Variants in NDRG1 observed in about 807,000 individuals in gnomAD.
NDRG1 encodes protein NDRG1.
A neutral mutation model predicts 56.9 loss-of-function variants in NDRG1; 32 were observed. That is an observed-to-expected ratio of 0.56 (90% CI 0.42 to 0.76). The LOEUF (loss-of-function observed/expected upper bound fraction) is 0.76. Ranked by LOEUF, NDRG1 falls within the 30% of genes least tolerant of loss-of-function variation. The pLI, the probability that NDRG1 is intolerant of heterozygous loss-of-function variation, is 0.00. For synonymous variants in NDRG1, 211 were observed against 204.1 expected (o/e 1.03, Z -0.29); for missense variants, 507 against 545.7 (o/e 0.93, Z 0.71).
At chr8:133,259,085 T>A in intron 6 of NDRG1, 83 bp downstream of exon 6, 2 of 1,442,640 alleles carry the variant, frequency 1.4e-6, no homozygotes, top group South Asian at 2.3e-5. Flanking sequence ...TAGTGGTCAG[T>A]CCAGATCAAA....
At chr8:133,277,389 C>T (rs1005205602) in intron 3 of NDRG1, among the ~76,000 whole-genome samples, 2 of 152,074 alleles carry the variant, frequency 1.3e-5, no homozygotes, top group Non-Finnish European at 2.9e-5. Context: ...CATGGAAAAA[C>T]CCATCTCTAC....
intron 1 of NDRG1, among the ~76,000 whole-genome samples, chr8:133,294,675 G>GT (rs11423129): frequency 3.3e-5 from 5 of 151,914 alleles, no homozygotes; most frequent in Non-Finnish European, 5.9e-5. Flanking sequence ...CTGTCATGGG[G>GT]GGGGGGCAGC....
intron 13 of NDRG1, among the ~76,000 whole-genome samples, chr8:133,246,094 G>C (rs982355734): frequency 1.3e-5 from 2 of 152,246 alleles, no homozygotes; most frequent in African/African-American, 2.4e-5. Context: ...CTCTTGGGCT[G>C]CATCTCCGGA....
chr8:133,291,551 T>C (rs928386638), intron 1 of NDRG1, among the ~76,000 whole-genome samples: 9 of 152,204 alleles, frequency 5.9e-5, no homozygotes, highest in African/African-American at 2.2e-4. Flanking sequence ...CTTCACGAAC[T>C]GTCTTTCTTA....
Position 133,247,808 on chromosome 8 carries a change from T to A in NDRG1, c.807+67A>T. The stretch of plus-strand genomic sequence containing the variant: ...GGAGAGGAGGGGCAGGCAGGGCCAC[T>A]TCAACAAAGTCAACCAGACTTTGCC... On this transcript the variant is annotated intron_variant, in intron 12 of 15. Transcript: ENST00000323851. 5 of 1,563,254 alleles carry A rather than the reference T, an allele frequency of 3.2e-6. No homozygotes were observed. In the South Asian group the frequency reaches 5.6e-5, roughly 17 times the overall value.
intron 1 of NDRG1, chr8:133,284,822 C>T (rs967558522): frequency 3.7e-5 from 17 of 456,860 alleles, no homozygotes; most frequent in Admixed American, 4.7e-5. Context: ...GTGATGCAGA[C>T]GCACAGACAC....
intron 9 of NDRG1, among the ~76,000 whole-genome samples, chr8:133,253,714 G>A (rs1856202269): frequency 6.6e-6 from 1 of 152,076 alleles, no homozygotes; most frequent in African/African-American, 2.4e-5. Context: ...TTTTTTTTAA[G>A]AGACAGGGTC....
chr8:133,288,048 CTT>C (rs1320491451), intron 1 of NDRG1, among the ~76,000 whole-genome samples: 2 of 152,218 alleles, frequency 1.3e-5, no homozygotes, highest in East Asian at 1.9e-4. Flanking sequence ...CATTCACACA[CTT>C]ATACTCACAC....
chr8:133,241,739 A>G, intron 15 of NDRG1: 1 of 542,240 alleles, frequency 1.8e-6, no homozygotes, highest in South Asian at 2.3e-5. Flanking sequence ...ACTGTTGGTC[A>G]TTGTCTTGGT....
intron 5 of NDRG1, 195 bp from the exon 6 acceptor site, chr8:133,259,425 C>G (rs1445671345): frequency 1.6e-6 from 1 of 637,794 alleles, no homozygotes; most frequent in African/African-American, 1.8e-5. Context: ...TTCCTACGCT[C>G]CAGGTCCCAT....
intron 1 of NDRG1, among the ~76,000 whole-genome samples, chr8:133,289,960 A>G (rs1343919654): frequency 6.6e-6 from 1 of 152,204 alleles, no homozygotes; most frequent in African/African-American, 2.4e-5. Context: ...GCTGTCCACA[A>G]CAAACTTACA....
chr8:133,268,016 T>C (rs981548561), intron 3 of NDRG1, among the ~76,000 whole-genome samples: 1 of 152,100 alleles, frequency 6.6e-6, no homozygotes, highest in Non-Finnish European at 1.5e-5. Flanking sequence ...TTGACTCATC[T>C]CTTTGAAGGT....
At chr8:133,259,028 G>C in intron 6 of NDRG1, 140 bp downstream of exon 6, 1 of 840,986 alleles carries the variant, frequency 1.2e-6, no homozygotes. Context: ...TGTTCACAGA[G>C]TGACGAGCTA....
intron 3 of NDRG1, among the ~76,000 whole-genome samples, chr8:133,268,107 T>A (rs1857007655): frequency 6.6e-6 from 1 of 152,158 alleles, no homozygotes; most frequent in African/African-American, 2.4e-5. Flanking sequence ...TGCCTAGGTC[T>A]CACTCACTTT....
chr8:133,251,999 C>T (rs1311067679), intron 9 of NDRG1, among the ~76,000 whole-genome samples: 1 of 152,196 alleles, frequency 6.6e-6, no homozygotes, highest in African/African-American at 2.4e-5. Flanking sequence ...GAAGCAAGGA[C>T]GAATTTCCCC....
At chr8:133,263,832 C>T (rs1414706835) in intron 4 of NDRG1, among the ~76,000 whole-genome samples, 1 of 150,246 alleles carries the variant, frequency 6.7e-6, no homozygotes, top group Non-Finnish European at 1.5e-5. Context: ...AAAAGAATTG[C>T]TTGAACCCAG....
intron 7 of NDRG1, 77 bp from the exon 8 acceptor site, chr8:133,256,940 C>A: frequency 1.4e-6 from 2 of 1,410,274 alleles, no homozygotes; most frequent in South Asian, 2.4e-5. Flanking sequence ...CAAACCAAAG[C>A]TTGAGAGAAG....
intron 15 of NDRG1, chr8:133,240,324 A>C (rs1323316414): frequency 6.6e-6 from 1 of 152,232 alleles, no homozygotes; most frequent in East Asian, 1.9e-4. Flanking sequence ...CCAAGCATGC[A>C]GGGCTTATGT....
chr8:133,254,670 C>A, intron 8 of NDRG1, 75 bp from the exon 9 acceptor site: 1 of 1,477,952 alleles, frequency 6.8e-7, no homozygotes, highest in Non-Finnish European at 9.3e-7. Context: ...AACCCCACTT[C>A]CCTGGGTGCA....
Sources: allele counts gnomAD v4.1 joint callset (sites outside exome capture counted in the v4.1 genomes callset), GRCh38; gene constraint gnomAD v4.1.1; transcripts MANE v1.5; gene names NCBI Gene and HGNC (gene_info 2026-07-23, HGNC 2026-07-21).